COL19A1: variants seen among roughly 807,000 people sequenced by gnomAD.
COL19A1 encodes the protein collagen alpha-1(XIX) chain.
In COL19A1, 159 loss-of-function variants were observed where a neutral mutation model predicts 190.2. The ratio of observed to expected loss-of-function variants is 0.84; its 90% CI spans 0.73 to 0.95. The LOEUF is 0.95. Ranked by LOEUF, COL19A1 falls within the 40% of genes least tolerant of loss-of-function variation. The probability of loss-of-function intolerance (pLI) is 0.00; values close to 1 mark genes in which losing one functional copy is unlikely to be tolerated. For missense variants in COL19A1, 1,418 were observed against 1,431.9 expected (o/e 0.99, Z 0.16); for synonymous variants, 509 against 458.9 (o/e 1.11, Z -1.39).
chr6:70,059,863 C>A, intron 14 of COL19A1: 1 of 457,338 alleles, frequency 2.2e-6, no homozygotes, highest in Non-Finnish European at 4.4e-6. Context: ...TTATAGCAGA[C>A]TAAGTAAATT....
At chr6:70,180,644 G>GCAC in intron 44 of COL19A1, 121 bp downstream of exon 44, 1 of 1,015,636 alleles carries the variant, frequency 9.8e-7, no homozygotes, top group Non-Finnish European at 1.5e-6. Flanking sequence ...TAAGAAGAAT[G>GCAC]CACAGATGGA....
chr6:70,199,793 A>G, intron 49 of COL19A1, 57 bp downstream of exon 49: 2 of 1,525,592 alleles, frequency 1.3e-6, no homozygotes, highest in South Asian at 2.6e-5. Flanking sequence ...TATTTATAAC[A>G]TGTTAGTCAC....
intron 14 of COL19A1, among the ~76,000 whole-genome samples, chr6:70,061,874 A>G (rs1780850383): frequency 6.6e-6 from 1 of 152,134 alleles, no homozygotes; most frequent in Non-Finnish European, 1.5e-5. Context: ...CTGCAATTAT[A>G]TTGTAATTAA....
rs933226563 is a variant in COL19A1, at chr6:70,184,981, T to A, written c.2856+66T>A. The A allele has an allele frequency of 2.7e-6, 4 of 1,497,866 alleles. No homozygotes were observed. In the African/African-American group the frequency reaches 5.6e-5, roughly 21 times the overall value. The allele number at this position is 1,497,866 out of a possible 1,614,324, so 92.8% of individuals were successfully genotyped here. A position where few individuals can be genotyped will look rare whatever the true frequency, so the allele number is the denominator to read the frequency against. On this transcript the variant is annotated intron_variant, in intron 46 of 50. Transcript: ENST00000620364. ...GTTACAACTGTCCCATCATTTGAGT[T>A]ACACAATTATGTGTGTAGACCCCTG...
chr6:70,112,062 C>T (rs1784315818), intron 16 of COL19A1, among the ~76,000 whole-genome samples: 1 of 152,128 alleles, frequency 6.6e-6, no homozygotes, highest in African/African-American at 2.4e-5. Flanking sequence ...ATGTTATCAC[C>T]TAATTACAGT....
intron 11 of COL19A1, among the ~76,000 whole-genome samples, chr6:70,016,632 T>C (rs1282789022): frequency 1.3e-5 from 2 of 152,042 alleles, no homozygotes; most frequent in African/African-American, 4.8e-5. Context: ...TTGCAAATTA[T>C]ATATCTGATA....
At chr6:69,970,338 A>G (rs923789905) in intron 11 of COL19A1, among the ~76,000 whole-genome samples, 2 of 152,222 alleles carry the variant, frequency 1.3e-5, no homozygotes, top group African/African-American at 4.8e-5. Context: ...TTGAAATGGT[A>G]GAAATACTTT....
chr6:70,061,767 A>C (rs1264067400), intron 14 of COL19A1, among the ~76,000 whole-genome samples: 1 of 152,116 alleles, frequency 6.6e-6, no homozygotes, highest in African/African-American at 2.4e-5. Flanking sequence ...TAGTTTGACT[A>C]TTCATGAAAT....
At chr6:69,993,332 T>G (rs1776727517) in intron 11 of COL19A1, among the ~76,000 whole-genome samples, 1 of 152,144 alleles carries the variant, frequency 6.6e-6, no homozygotes, top group Non-Finnish European at 1.5e-5. Flanking sequence ...TGATTAGCTT[T>G]TTGATGTGCT....
intron 14 of COL19A1, among the ~76,000 whole-genome samples, chr6:70,055,781 T>TTAAAAAAAAAA (rs547910835): frequency 8.5e-6 from 1 of 117,470 alleles, no homozygotes; most frequent in African/African-American, 3.4e-5. Flanking sequence ...AACTCTGTAT[T>TTAAAAAAAAAA]AAAAAAAAAA....
chr6:69,949,627 A>C (rs770076967), intron 9 of COL19A1, among the ~76,000 whole-genome samples: 2 of 151,868 alleles, frequency 1.3e-5, no homozygotes, highest in Non-Finnish European at 2.9e-5. Context: ...GATTTTTCTA[A>C]GTAAATTTCC....
chr6:70,069,357 C>G (rs1219613948), intron 15 of COL19A1, among the ~76,000 whole-genome samples: 1 of 152,046 alleles, frequency 6.6e-6, no homozygotes, highest in African/African-American at 2.4e-5. Flanking sequence ...TAAAATAAGT[C>G]TCTTTCCTCA....
intron 2 of COL19A1, among the ~76,000 whole-genome samples, chr6:69,887,434 T>C (rs552306797): frequency 1.3e-5 from 2 of 152,298 alleles, no homozygotes; most frequent in African/African-American, 4.8e-5. Context: ...CACACCAAAG[T>C]TGACAAATCT....
intron 42 of COL19A1, among the ~76,000 whole-genome samples, chr6:70,178,497 C>T (rs1345833152): frequency 6.6e-6 from 1 of 152,176 alleles, no homozygotes; most frequent in East Asian, 1.9e-4. Context: ...ACTGGCCCTT[C>T]TGCGGCTCAG....
chr6:69,921,702 A>C (rs940065007), intron 4 of COL19A1, among the ~76,000 whole-genome samples: 1 of 143,608 alleles, frequency 7.0e-6, no homozygotes, highest in African/African-American at 2.6e-5. Flanking sequence ...AGATTCGTAT[A>C]TATTCGTATG....
rs1172154335 is a variant in COL19A1, at chr6:69,921,392, T to TC, written c.267-6517_267-6516insC. On this transcript the variant is annotated intron_variant, in intron 4 of 50. Coordinates refer to ENST00000620364, the MANE Select transcript of COL19A1 (RefSeq NM_001858.6). ...TCATATATATCATATATATCATATATATCATATATCATATATATCATATAT... is the reference window on the plus strand; with the variant it reads ...TCATATATATCATATATATCATATATCATCATATATCATATATATCATATAT... 8.5e-4 allele frequency among the ~76,000 whole-genome samples: 89 copies of TC among 105,310 alleles called. 3 individuals carry two copies. Among genetic ancestry groups the TC allele is most frequent in the African/African-American group, 2.9e-3 (66 of 22,424 alleles). 69.1% of individuals were successfully genotyped at this position (105,310 alleles called of 152,430 possible). A position where few individuals can be genotyped will look rare whatever the true frequency, so the allele number is the denominator to read the frequency against.
At chr6:70,090,086 G>A (rs986718462) in intron 15 of COL19A1, among the ~76,000 whole-genome samples, 1 of 151,930 alleles carries the variant, frequency 6.6e-6, no homozygotes, top group Non-Finnish European at 1.5e-5. Context: ...GCTGAGGCAG[G>A]AGGATACTTA....
intron 4 of COL19A1, among the ~76,000 whole-genome samples, chr6:69,902,822 C>G (rs1371062975): frequency 6.6e-6 from 1 of 152,184 alleles, no homozygotes; most frequent in Non-Finnish European, 1.5e-5. Context: ...ATACTGCACT[C>G]TCACGCCAGG....
At chr6:69,934,453 T>A (rs1772975843) in intron 7 of COL19A1, among the ~76,000 whole-genome samples, 3 of 151,954 alleles carry the variant, frequency 2.0e-5, no homozygotes. Flanking sequence ...TATTTTGATA[T>A]ATCTGAATAT....
Sources: gnomAD v4.1 joint callset for allele counts (sites outside exome capture counted in the v4.1 genomes callset) on GRCh38, gnomAD v4.1.1 for gene constraint, MANE v1.5 for transcripts, NCBI Gene and HGNC (gene_info 2026-07-23, HGNC 2026-07-21) for gene names.